Variants in RANBP2 observed in about 807,000 individuals in gnomAD.
RANBP2 encodes the protein RAN binding protein 2.
A neutral mutation model predicts 303.6 loss-of-function variants in RANBP2; 57 were observed. That is an observed-to-expected ratio of 0.19 (90% CI 0.15 to 0.23). The LOEUF (loss-of-function observed/expected upper bound fraction) is 0.23. RANBP2 is among the 10% of genes least tolerant of loss of function. The pLI is 1.00. For missense variants in RANBP2, 3,138 were observed against 3,780.8 expected, an observed-to-expected ratio of 0.83 and a Z score of 4.46; for synonymous variants, 1,167 against 1,301.5, an observed-to-expected ratio of 0.90 and a Z score of 2.23.
chr2:109,000,635 G>A, the RANBP2 span, among the ~76,000 whole-genome samples: 3 of 152,154 alleles, frequency 2.0e-5, no homozygotes, highest in Non-Finnish European at 2.9e-5. Flanking sequence ...AACTGGGGAC[G>A]GCTTCTTGGG....
At chr2:109,508,562 G>A in the RANBP2 span, among the ~76,000 whole-genome samples, 2 of 152,056 alleles carry the variant, frequency 1.3e-5, no homozygotes, top group Non-Finnish European at 2.9e-5. Flanking sequence ...GTCAACAGAC[G>A]TGGACATCAT....
the RANBP2 span, among the ~76,000 whole-genome samples, chr2:109,217,386 C>T: frequency 6.6e-6 from 1 of 152,208 alleles, no homozygotes; most frequent in Admixed American, 6.5e-5. Flanking sequence ...GGTCAAATTC[C>T]CATCTGAACA....
At chr2:108,876,157 C>T in the RANBP2 span, 1 of 1,611,634 alleles carries the variant, frequency 6.2e-7, no homozygotes, top group Non-Finnish European at 8.5e-7. Flanking sequence ...GGACAACAAA[C>T]CCAGAGCATG....
chr2:108,741,739 C>T (rs1696112383), intron 7 of RANBP2, among the ~76,000 whole-genome samples: 1 of 149,212 alleles, frequency 6.7e-6, no homozygotes, highest in Non-Finnish European at 1.5e-5. Context: ...GTCTCAATCT[C>T]CTGACCTAGT....
At chr2:109,202,087 C>G in the RANBP2 span, among the ~76,000 whole-genome samples, 1 of 152,210 alleles carries the variant, frequency 6.6e-6, no homozygotes, top group Non-Finnish European at 1.5e-5. Flanking sequence ...AGGCACACAG[C>G]CTCCCCTCGA....
At chr2:109,441,909 T>G in the RANBP2 span, among the ~76,000 whole-genome samples, 1 of 152,046 alleles carries the variant, frequency 6.6e-6, no homozygotes, top group African/African-American at 2.4e-5. Flanking sequence ...CTGAAAGAAA[T>G]ATAGCTGTCA....
the RANBP2 span, among the ~76,000 whole-genome samples, chr2:109,602,208 TA>T: frequency 6.5e-4 from 99 of 152,310 alleles, no homozygotes; most frequent in African/African-American, 2.4e-3. Flanking sequence ...ATTTTATGAC[TA>T]TAACTTGGAA....
the RANBP2 span, among the ~76,000 whole-genome samples, chr2:108,790,861 C>T: frequency 1.3e-5 from 2 of 152,166 alleles, no homozygotes; most frequent in Non-Finnish European, 1.5e-5. Context: ...AAACGATCCT[C>T]TCACCTCAGG....
At chr2:108,741,086 A>G (rs1370972401) in intron 7 of RANBP2, among the ~76,000 whole-genome samples, 1 of 152,172 alleles carries the variant, frequency 6.6e-6, no homozygotes, top group Non-Finnish European at 1.5e-5. Context: ...GAAGAATATG[A>G]TTGCAATTTA....
the RANBP2 span, among the ~76,000 whole-genome samples, chr2:109,414,042 C>T: frequency 3.1e-4 from 47 of 152,326 alleles, no homozygotes; most frequent in African/African-American, 1.1e-3. Context: ...AATGACATTC[C>T]CTCTGAAGCA....
At chr2:109,018,321 A>G in the RANBP2 span, among the ~76,000 whole-genome samples, 1 of 152,202 alleles carries the variant, frequency 6.6e-6, no homozygotes, top group African/African-American at 2.4e-5. Context: ...CTGCAGAATC[A>G]CAAAGGTGAG....
chr2:109,371,034 T>C, the RANBP2 span, among the ~76,000 whole-genome samples: 1 of 152,236 alleles, frequency 6.6e-6, no homozygotes, highest in East Asian at 1.9e-4. Context: ...AAGCCCTAAC[T>C]CTGTGGTACA....
the RANBP2 span, chr2:109,129,585 C>G: frequency 1.1e-5 from 17 of 1,480,550 alleles, no homozygotes; most frequent in Middle Eastern, 2.3e-4. Context: ...AGGCGGCCGC[C>G]GCTGCTGCGC....
chr2:109,093,957 T>G, the RANBP2 span, among the ~76,000 whole-genome samples: 1 of 152,248 alleles, frequency 6.6e-6, no homozygotes, highest in East Asian at 1.9e-4. Context: ...TCTCAAAATC[T>G]AAGGCTCTGT....
the RANBP2 span, among the ~76,000 whole-genome samples, chr2:109,386,541 C>T: frequency 6.6e-6 from 1 of 152,236 alleles, no homozygotes; most frequent in African/African-American, 2.4e-5. Flanking sequence ...GGATCTTGGG[C>T]CTTGGTTTGC....
the RANBP2 span, among the ~76,000 whole-genome samples, chr2:109,659,386 CA>C: frequency 6.6e-5 from 10 of 151,992 alleles, no homozygotes; most frequent in South Asian, 2.1e-3. Flanking sequence ...AAAACACACA[CA>C]AAAAAACAAA....
the RANBP2 span, among the ~76,000 whole-genome samples, chr2:109,700,347 G>A: frequency 6.6e-6 from 1 of 152,178 alleles, no homozygotes; most frequent in South Asian, 2.1e-4. Context: ...CGTACCTAAG[G>A]TGGTTGGGGC....
the RANBP2 span, among the ~76,000 whole-genome samples, chr2:109,353,726 T>G: frequency 3.7e-4 from 57 of 152,174 alleles, no homozygotes; most frequent in Non-Finnish European, 7.6e-4. Flanking sequence ...TGCACTGCCC[T>G]TAGGCACTCA....
chr2:108,965,632 T>A, the RANBP2 span, among the ~76,000 whole-genome samples: 1 of 152,066 alleles, frequency 6.6e-6, no homozygotes, highest in Non-Finnish European at 1.5e-5. Flanking sequence ...CCTTTGGGTG[T>A]CTGTATGCCT....
Sources: gnomAD v4.1 joint callset for allele counts (sites outside exome capture counted in the v4.1 genomes callset) on GRCh38, gnomAD v4.1.1 for gene constraint, MANE v1.5 for transcripts, NCBI Gene and HGNC (gene_info 2026-07-23, HGNC 2026-07-21) for gene names.